BBOF1: variants seen among roughly 807,000 people sequenced by gnomAD.
The protein encoded by BBOF1 is basal body-orientation factor 1.
BBOF1 carries 62 observed loss-of-function variants against 68.0 expected under a neutral mutation model. The ratio of observed to expected loss-of-function variants is 0.91; its 90% confidence interval spans 0.74 to 1.13. The LOEUF (loss-of-function observed/expected upper bound fraction) is 1.13, where lower values mean the gene tolerates loss of function less well. BBOF1 is among the 50% of genes most tolerant of loss of function. The pLI is 0.00. For synonymous variants in BBOF1, 208 were observed against 198.8 expected (o/e 1.05, Z -0.39); for missense variants, 534 against 600.1 (o/e 0.89, Z 1.15).
At chr14:74,056,515 T>C (rs1190613100) in intron 9 of BBOF1, among the ~76,000 whole-genome samples, 1 of 151,942 alleles carries the variant, frequency 6.6e-6, no homozygotes, top group Non-Finnish European at 1.5e-5. Context: ...TTTGTATTTT[T>C]AGTAAAGACA....
chr14:74,049,093 C>T (rs1302444192), intron 7 of BBOF1, among the ~76,000 whole-genome samples: 2 of 152,058 alleles, frequency 1.3e-5, no homozygotes, highest in Admixed American at 6.6e-5. Context: ...AGGCTGATCT[C>T]GAACTCCTGA....
rs926530103 is a variant in BBOF1 at position 74,038,492 on chromosome 14, CAA to C, written c.496-2070_496-2069del. 1.5e-4 allele frequency among the ~76,000 whole-genome samples: 23 copies of C among 151,968 alleles called. 1 individual carries two copies. Among genetic ancestry groups the C allele is most frequent in the Non-Finnish European group, 2.9e-5 (2 of 67,992 alleles). Reference sequence around the variant, plus strand: ...GGGCCTTTGAGGAAGACTTAAAATTCAAAAGATATTGGCTTATGGGAACGAAT... The same window carrying C: ...GGGCCTTTGAGGAAGACTTAAAATTCAAGATATTGGCTTATGGGAACGAAT... On this transcript the variant is annotated intron_variant, in intron 4 of 11. Coordinates refer to ENST00000394009, the MANE Select transcript of BBOF1 (RefSeq NM_025057.3).
chr14:74,042,877 CAG>C (rs1231747018), intron 5 of BBOF1, among the ~76,000 whole-genome samples: 16 of 96,918 alleles, frequency 1.7e-4, no homozygotes, highest in East Asian at 8.0e-4. Flanking sequence ...CACACACACA[CAG>C]ACACACACAC....
At chr14:74,063,419 A>T (rs2060391025) in intron 11 of BBOF1, among the ~76,000 whole-genome samples, 1 of 151,944 alleles carries the variant, frequency 6.6e-6, no homozygotes, top group East Asian at 2.0e-4. Context: ...TCCTGACTTC[A>T]GGTGATCTGC....
chr14:74,071,542 A>G, intron 9 of BBOF1: 3 of 1,612,526 alleles, frequency 1.9e-6, no homozygotes, highest in Non-Finnish European at 2.5e-6. Context: ...ACTGTGTACT[A>G]GTTAGCTTTG....
intron 11 of BBOF1, chr14:74,057,616 G>A: frequency 1.5e-6 from 2 of 1,339,446 alleles, no homozygotes; most frequent in Non-Finnish European, 1.9e-6. Context: ...ACAACCTAGA[G>A]GACAAAGGCT....
chr14:74,056,959 G>A lies in BBOF1; in HGVS notation c.1442G>A (p.Ser481Asn). ...GTTCCAGACTATGTTGTTTCTGACAGTGGGGAAACAAAGGAATTTGGGTAA... is the reference window on the plus strand; with the variant it reads ...GTTCCAGACTATGTTGTTTCTGACAATGGGGAAACAAAGGAATTTGGGTAA... ...PPVPDYVVSDSGETKEFGDES... is the reference protein window; with the variant it reads ...PPVPDYVVSDNGETKEFGDES... The change falls in exon 10 of 12, where the codon AGT becomes AAT. Residue 481 changes from serine (S) to asparagine (N), a missense_variant. Ser to Asn is a conservative substitution (Grantham distance 46). Transcript: ENST00000394009. 1.9e-6 allele frequency: 3 copies of A among 1,613,646 alleles called. No homozygotes were observed. The highest frequency in any genetic ancestry group is 2.5e-6 in the Non-Finnish European group (3 of 1,179,746).
downstream of BBOF1, chr14:74,071,036 G>A (rs1014956361): frequency 4.9e-5 from 37 of 758,640 alleles, no homozygotes; most frequent in Middle Eastern, 1.3e-3. Flanking sequence ...TTACCTTGGC[G>A]CACAAAGATG....
chr14:74,071,928 G>C (rs766967822), intron 9 of BBOF1: 3 of 1,614,206 alleles, frequency 1.9e-6, no homozygotes, highest in Non-Finnish European at 2.5e-6. Context: ...TTCAGCATCA[G>C]CTAGGGTCTT....
intron 5 of BBOF1, among the ~76,000 whole-genome samples, chr14:74,044,650 G>A (rs2059908695): frequency 6.6e-6 from 1 of 152,000 alleles, no homozygotes; most frequent in African/African-American, 2.4e-5. Context: ...TTTTGGCCAG[G>A]CGCGGTGGTT....
downstream of BBOF1, among the ~76,000 whole-genome samples, chr14:74,067,886 T>C (rs958854563): frequency 1.1e-4 from 16 of 150,950 alleles, no homozygotes; most frequent in East Asian, 2.8e-3. Context: ...GATCACACCA[T>C]TGTACTCCAG....
chr14:74,072,542 T>G, intron 9 of BBOF1: 1 of 1,614,204 alleles, frequency 6.2e-7, no homozygotes, highest in Non-Finnish European at 8.5e-7. Flanking sequence ...CTTACTGGGT[T>G]GTGGATATCG....
At chr14:74,081,976 G>A (rs534339530) in intron 12 of BBOF1, among the ~76,000 whole-genome samples, 1 of 152,314 alleles carries the variant, frequency 6.6e-6, no homozygotes, top group South Asian at 2.1e-4. Flanking sequence ...GGAGGCTGAG[G>A]TGGGAGGATA....
Position 74,026,298 on chromosome 14 carries a change from C to T in BBOF1, c.286-2886C>T, listed in dbSNP as rs949357264. ...CTCTACTGAAAATACAAAAATTAGC[C>T]AGGTGTGGTGGTGGGCACCTGTAAT... is the stretch of plus-strand genomic sequence containing the variant. On this transcript the variant is annotated intron_variant, in intron 2 of 11. Coordinates refer to ENST00000394009, the MANE Select transcript of BBOF1 (RefSeq NM_025057.3). Among the ~76,000 whole-genome samples, 3 of 151,396 alleles carry T rather than the reference C, an allele frequency of 2.0e-5. No homozygotes were observed. In the South Asian group the frequency reaches 6.3e-4, roughly 32 times the overall value.
chr14:74,046,214 C>T (rs2059945637), intron 6 of BBOF1, 84 bp downstream of exon 6: 2 of 1,260,590 alleles, frequency 1.6e-6, no homozygotes, highest in East Asian at 5.2e-5. Context: ...TTCTTGTCTT[C>T]CCCCTTCTGT....
At chr14:74,020,552 G>C (rs1041457053) in intron 1 of BBOF1, among the ~76,000 whole-genome samples, 1 of 151,682 alleles carries the variant, frequency 6.6e-6, no homozygotes, top group African/African-American at 2.4e-5. Context: ...TGCCCAAGCC[G>C]GAGTGCAATG....
intron 9 of BBOF1, chr14:74,071,175 A>G: frequency 6.2e-7 from 1 of 1,605,362 alleles, no homozygotes; most frequent in African/African-American, 1.3e-5. Flanking sequence ...TTAAGTAGCC[A>G]TATGCATAAG....
intron 9 of BBOF1, among the ~76,000 whole-genome samples, chr14:74,075,597 C>T (rs1180962565): frequency 1.3e-5 from 2 of 151,306 alleles, no homozygotes; most frequent in Non-Finnish European, 2.9e-5. Context: ...GGTGAGGCTG[C>T]AGTGAACCGT....
downstream of BBOF1, chr14:74,066,692 G>T (rs1301725981): frequency 1.1e-5 from 17 of 1,612,624 alleles, no homozygotes; most frequent in Non-Finnish European, 1.4e-5. Flanking sequence ...TTTGTGAAGT[G>T]AAAGTTGTTC....
Sources: allele counts gnomAD v4.1 joint callset (sites outside exome capture counted in the v4.1 genomes callset), GRCh38; gene constraint gnomAD v4.1.1; transcripts MANE v1.5; gene names NCBI Gene and HGNC (gene_info 2026-07-23, HGNC 2026-07-21).